The following INPP4B variants were observed in gnomAD, a reference collection of about 807,000 sequenced individuals.
INPP4B encodes the protein inositol polyphosphate 4-phosphatase type II.
INPP4B carries 55 observed loss-of-function variants against 122.5 expected under a neutral mutation model. The observed-to-expected ratio is 0.45, with a 90% CI of 0.36 to 0.56. The LOEUF (loss-of-function observed/expected upper bound fraction) is 0.56, where lower values mean the gene tolerates loss of function less well. Ranked by LOEUF, INPP4B falls within the 20% of genes least tolerant of loss-of-function variation. The pLI is 0.00. For missense variants in INPP4B, 1,000 were observed against 1,097.7 expected (o/e 0.91, Z 1.26); for synonymous variants, 403 against 388.7 (o/e 1.04, Z -0.43).
intron 8 of INPP4B, 39 bp from the exon 9 acceptor site, chr4:142,305,576 T>C (rs372128847): frequency 4.4e-4 from 689 of 1,582,518 alleles, no homozygotes; most frequent in Non-Finnish European, 5.4e-4. Flanking sequence ...TAACTTGAGG[T>C]TCTTTAATAT....
chr4:142,264,326 T>C (rs1741731180), intron 10 of INPP4B, among the ~76,000 whole-genome samples: 1 of 152,156 alleles, frequency 6.6e-6, no homozygotes, highest in Non-Finnish European at 1.5e-5. Flanking sequence ...GTCAACAGGA[T>C]TTGCTGACAT....
intron 1 of INPP4B, among the ~76,000 whole-genome samples, chr4:142,739,625 G>A (rs367649800): frequency 7.3e-5 from 11 of 151,700 alleles, no homozygotes; most frequent in South Asian, 2.1e-4. Context: ...AGCACCCCAC[G>A]CATCCCACAA....
At chr4:142,326,519 G>A (rs910017541) in intron 7 of INPP4B, among the ~76,000 whole-genome samples, 8 of 152,176 alleles carry the variant, frequency 5.3e-5, no homozygotes, top group African/African-American at 1.7e-4. Context: ...CAAAGCTCAT[G>A]TATTCTACTA....
chr4:142,113,250 T>C (rs994262831), intron 21 of INPP4B, among the ~76,000 whole-genome samples: 1 of 152,098 alleles, frequency 6.6e-6, no homozygotes, highest in Non-Finnish European at 1.5e-5. Flanking sequence ...GAAATGTCCA[T>C]TAAAAACTAC....
intron 25 of INPP4B, among the ~76,000 whole-genome samples, chr4:142,081,716 G>A (rs1177081262): frequency 1.3e-5 from 2 of 151,938 alleles, no homozygotes; most frequent in African/African-American, 4.8e-5. Context: ...CCCTTAACTT[G>A]AGCCAATGAG....
At chr4:142,689,248 C>T (rs79438871) in intron 2 of INPP4B, among the ~76,000 whole-genome samples, 3 of 152,230 alleles carry the variant, frequency 2.0e-5, no homozygotes, top group South Asian at 2.1e-4. Context: ...AGAATGATGT[C>T]GAATGATGAA....
At chr4:142,844,173 T>C (rs2151221102) in intron 1 of INPP4B, among the ~76,000 whole-genome samples, 1 of 152,324 alleles carries the variant, frequency 6.6e-6, no homozygotes, top group East Asian at 1.9e-4. Context: ...CATGCTACTT[T>C]AAATAGAGGG....
intron 9 of INPP4B, among the ~76,000 whole-genome samples, chr4:142,271,383 C>T (rs1047577550): frequency 6.6e-6 from 1 of 152,154 alleles, no homozygotes; most frequent in Non-Finnish European, 1.5e-5. Flanking sequence ...ATCAATACCC[C>T]ATTTGGAACC....
intron 7 of INPP4B, among the ~76,000 whole-genome samples, 200 bp downstream of exon 7, chr4:142,402,738 C>CA (rs542487663): frequency 3.2e-4 from 48 of 152,088 alleles, no homozygotes; most frequent in Non-Finnish European, 6.0e-4. Context: ...AAATCTGTTC[C>CA]AAAAACTTTT....
intron 2 of INPP4B, among the ~76,000 whole-genome samples, chr4:142,622,082 T>C (rs1317653122): frequency 6.6e-6 from 1 of 152,006 alleles, no homozygotes; most frequent in African/African-American, 2.4e-5. Context: ...TTTCTTCATG[T>C]ATAAATGACC....
chr4:142,632,990 C>T lies in INPP4B; in HGVS notation c.-191+92849G>A, dbSNP rs186568073. Among the ~76,000 whole-genome samples, 13 of 151,260 alleles carry T rather than the reference C, an allele frequency of 8.6e-5. No homozygotes were observed. The East Asian group carries it at 2.1e-3, about 25-fold the overall frequency. On this transcript the variant is annotated intron_variant, in intron 2 of 25. Transcript: ENST00000262992. ...AACATAAAAGAAGATCAAATAAAAA[C>T]ATCTCAATTTAAAAAACATGTAAAC...
intron 25 of INPP4B, among the ~76,000 whole-genome samples, chr4:142,051,695 T>C (rs1441127063): frequency 1.3e-5 from 2 of 152,000 alleles, no homozygotes; most frequent in African/African-American, 2.4e-5. Context: ...ACCAACTAAT[T>C]AGAAAATAAA....
chr4:142,697,804 G>C (rs1761217201), intron 2 of INPP4B, among the ~76,000 whole-genome samples: 1 of 152,038 alleles, frequency 6.6e-6, no homozygotes, highest in African/African-American at 2.4e-5. Flanking sequence ...TTCTTAAATA[G>C]GGCCAAGACA....
At chr4:142,821,518 C>G (rs941884117) in intron 1 of INPP4B, among the ~76,000 whole-genome samples, 1 of 151,982 alleles carries the variant, frequency 6.6e-6, no homozygotes, top group Non-Finnish European at 1.5e-5. Flanking sequence ...TTAATATTAA[C>G]ATGATATTAG....
chr4:142,198,659 C>T lies in INPP4B; in HGVS notation c.1073-5464G>A, dbSNP rs148906633. 8.8e-3 allele frequency among the ~76,000 whole-genome samples: 1,338 copies of T among 151,946 alleles called. 13 individuals carry two copies. The highest frequency in any genetic ancestry group is 0.013 in the Non-Finnish European group (869 of 67,870). ...AGTTCCCTACAGTATTCCTTTGCTT[C>T]AGAGGGTCAATGTCTTATTTATAAT... is the stretch of plus-strand genomic sequence containing the variant. On this transcript the variant is annotated intron_variant, in intron 14 of 25. Transcript: ENST00000262992.
At chr4:142,291,875 A>T (rs1404087092) in intron 9 of INPP4B, among the ~76,000 whole-genome samples, 1 of 152,168 alleles carries the variant, frequency 6.6e-6, no homozygotes, top group Non-Finnish European at 1.5e-5. Context: ...GCATTTTTGG[A>T]CTCAAATAAT....
At chr4:142,430,424 T>C (rs1485033578) in intron 4 of INPP4B, among the ~76,000 whole-genome samples, 2 of 152,100 alleles carry the variant, frequency 1.3e-5, no homozygotes, top group African/African-American at 4.8e-5. Context: ...TTCTAAAGAT[T>C]AGCTTTATAA....
intron 25 of INPP4B, among the ~76,000 whole-genome samples, chr4:142,064,608 G>C (rs1359924620): frequency 6.6e-6 from 1 of 152,126 alleles, no homozygotes; most frequent in South Asian, 2.1e-4. Context: ...TTCTTGTGAA[G>C]TGGAAGGCAT....
At chr4:142,635,703 C>G (rs1169485764) in intron 2 of INPP4B, among the ~76,000 whole-genome samples, 1 of 151,916 alleles carries the variant, frequency 6.6e-6, no homozygotes, top group African/African-American at 2.4e-5. Flanking sequence ...CTTGGGTCTA[C>G]TTGAGGGTGG....
Sources: gnomAD v4.1 joint callset for allele counts (sites outside exome capture counted in the v4.1 genomes callset) on GRCh38, gnomAD v4.1.1 for gene constraint, MANE v1.5 for transcripts, NCBI Gene and HGNC (gene_info 2026-07-23, HGNC 2026-07-21) for gene names.